The following RBFOX1 variants were observed in gnomAD, a reference collection of about 807,000 sequenced individuals.
RBFOX1 encodes the protein RNA binding protein fox-1 homolog 1.
A neutral mutation model predicts 57.7 loss-of-function variants in RBFOX1; 8 were observed. That is an observed-to-expected ratio of 0.14 (90% CI 0.08 to 0.25). The LOEUF (loss-of-function observed/expected upper bound fraction) is 0.25, where lower values mean the gene tolerates loss of function less well. Ranked by LOEUF, RBFOX1 falls within the 10% of genes least tolerant of loss-of-function variation. The probability of loss-of-function intolerance (pLI) is 1.00; values close to 1 mark genes in which losing one functional copy is unlikely to be tolerated. For synonymous variants in RBFOX1, 326 were observed against 222.4 expected (o/e 1.47, Z -4.15); for missense variants, 611 against 548.5 (o/e 1.11, Z -1.14).
intron 1 of RBFOX1, among the ~76,000 whole-genome samples, chr16:6,118,277 A>G (rs909668237): frequency 6.6e-6 from 1 of 152,176 alleles, no homozygotes; most frequent in African/African-American, 2.4e-5. Flanking sequence ...TAGTTGCCAT[A>G]TCACCTTATG....
At chr16:5,264,278 T>C (rs917103769) in intron 1 of RBFOX1, among the ~76,000 whole-genome samples, 10 of 152,102 alleles carry the variant, frequency 6.6e-5, no homozygotes, top group African/African-American at 2.4e-4. Flanking sequence ...AGCCACCGTT[T>C]GATGTTGGGA....
At chr16:6,937,771 A>G (rs113288099) in intron 3 of RBFOX1, among the ~76,000 whole-genome samples, 4 of 152,178 alleles carry the variant, frequency 2.6e-5, no homozygotes, top group African/African-American at 9.6e-5. Context: ...TATCGTGTGG[A>G]TGTAGCCTCC....
chr16:7,400,409 T>C (rs1190693951), intron 4 of RBFOX1, among the ~76,000 whole-genome samples: 2 of 152,186 alleles, frequency 1.3e-5, no homozygotes, highest in African/African-American at 4.8e-5. Flanking sequence ...TCAGATCATC[T>C]CTGAAGACAG....
chr16:6,355,088 A>G (rs201255623), intron 2 of RBFOX1, among the ~76,000 whole-genome samples: 53 of 152,296 alleles, frequency 3.5e-4, no homozygotes, highest in African/African-American at 1.1e-3. Flanking sequence ...CCATTCTCCA[A>G]TAACCCCTTC....
chr16:5,952,235 C>G (rs2059536191), intron 4 of RBFOX1, among the ~76,000 whole-genome samples: 1 of 151,750 alleles, frequency 6.6e-6, no homozygotes, highest in African/African-American at 2.4e-5. Context: ...ACTGCAACCT[C>G]CACCTCCCGG....
At chr16:7,355,624 C>A (rs1253001408) in intron 4 of RBFOX1, among the ~76,000 whole-genome samples, 1 of 152,198 alleles carries the variant, frequency 6.6e-6, no homozygotes, top group South Asian at 2.1e-4. Flanking sequence ...CCATGTCAGT[C>A]TGTACAGGTC....
At chr16:5,657,233 C>T (rs1186385589) in intron 3 of RBFOX1, among the ~76,000 whole-genome samples, 1 of 152,140 alleles carries the variant, frequency 6.6e-6, no homozygotes, top group African/African-American at 2.4e-5. Flanking sequence ...TCAAAGCAAG[C>T]CATATATGGT....
At chr16:7,285,215 T>G (rs749807934) in intron 4 of RBFOX1, among the ~76,000 whole-genome samples, 17 of 151,260 alleles carry the variant, frequency 1.1e-4, no homozygotes, top group Non-Finnish European at 2.1e-4. Context: ...CAGATTCACA[T>G]GCAGCTGTAA....
intron 2 of RBFOX1, among the ~76,000 whole-genome samples, chr16:5,517,843 T>G: frequency 7.6e-6 from 1 of 131,152 alleles, no homozygotes; most frequent in East Asian, 2.0e-4. Flanking sequence ...TTTACATATA[T>G]GTATACACAC....
chr16:7,052,351 ATTTG>A (rs2050381923), intron 4 of RBFOX1, among the ~76,000 whole-genome samples: 1 of 152,168 alleles, frequency 6.6e-6, no homozygotes, highest in South Asian at 2.1e-4. Flanking sequence ...TTCTTCTGGA[ATTTG>A]TTTGACATCA....
chr16:5,401,793 T>TC lies in RBFOX1; in HGVS notation c.220-65422dup, dbSNP rs200917305. Among the ~76,000 whole-genome samples, 104 of 149,054 alleles carry TC rather than the reference T, an allele frequency of 7.0e-4. 1 individual carries two copies. The East Asian group carries it at 0.015, about 21-fold the overall frequency. On this transcript the variant is annotated intron_variant, in intron 1 of 2. Transcript: ENST00000585867. Reference sequence around the variant, plus strand: ...CTCCTCCTCCTCCTCCTCCTCCTCCTCTTTCTCCTCCTCCTTCTCCTTCTC... The same window carrying TC: ...CTCCTCCTCCTCCTCCTCCTCCTCCTCCTTTCTCCTCCTCCTTCTCCTTCTC...
chr16:5,393,356 T>C (rs1319329125), intron 1 of RBFOX1, among the ~76,000 whole-genome samples: 1 of 152,226 alleles, frequency 6.6e-6, no homozygotes, highest in Non-Finnish European at 1.5e-5. Context: ...TATCTGTCCG[T>C]GTCCAGGCAG....
intron 4 of RBFOX1, among the ~76,000 whole-genome samples, chr16:7,388,536 C>G (rs893910324): frequency 6.6e-6 from 1 of 151,996 alleles, no homozygotes; most frequent in Non-Finnish European, 1.5e-5. Flanking sequence ...CTTAAGCCCC[C>G]TCAACTGTAA....
At chr16:6,715,906 C>T (rs1472418663) in intron 3 of RBFOX1, among the ~76,000 whole-genome samples, 4 of 152,212 alleles carry the variant, frequency 2.6e-5, no homozygotes, top group Non-Finnish European at 2.9e-5. Context: ...GCTACTATTA[C>T]AGCCTCATAC....
intron 1 of RBFOX1, among the ~76,000 whole-genome samples, chr16:5,310,963 C>T (rs2064071159): frequency 1.3e-5 from 2 of 151,868 alleles, no homozygotes; most frequent in Non-Finnish European, 2.9e-5. Flanking sequence ...TACAGTGTAC[C>T]CAGTATGTAG....
intron 12 of RBFOX1, among the ~76,000 whole-genome samples, chr16:7,659,610 A>G (rs2067193154): frequency 6.6e-6 from 1 of 152,186 alleles, no homozygotes; most frequent in African/African-American, 2.4e-5. Context: ...AAAAAAAAGA[A>G]TCTCATAATG....
intron 1 of RBFOX1, among the ~76,000 whole-genome samples, chr16:6,268,881 G>A (rs936739399): frequency 1.3e-5 from 2 of 152,136 alleles, no homozygotes; most frequent in African/African-American, 4.8e-5. Flanking sequence ...CAGTATCAGT[G>A]GGGGACTGGT....
chr16:5,999,179 C>G (rs556244389), intron 4 of RBFOX1, among the ~76,000 whole-genome samples: 1 of 152,288 alleles, frequency 6.6e-6, no homozygotes, highest in East Asian at 1.9e-4. Flanking sequence ...GCATGCCCAG[C>G]CTCCTGCCAA....
At chr16:6,231,831 GTTTTTTTTTT>G (rs34438828) in intron 1 of RBFOX1, among the ~76,000 whole-genome samples, 1 of 123,602 alleles carries the variant, frequency 8.1e-6, no homozygotes, top group South Asian at 2.8e-4. Flanking sequence ...TAGCTTTCCA[GTTTTTTTTTT>G]TTTTTTTTTT....
Sources: allele counts gnomAD v4.1 joint callset (sites outside exome capture counted in the v4.1 genomes callset), GRCh38; gene constraint gnomAD v4.1.1; transcripts MANE v1.5; gene names NCBI Gene and HGNC (gene_info 2026-07-23, HGNC 2026-07-21).